DNAI4: variants seen among roughly 807,000 people sequenced by gnomAD.
The protein encoded by DNAI4 is WD repeat domain 78.
Under a neutral mutation model 105.8 loss-of-function variants are expected in DNAI4, and 85 were observed. The observed-to-expected ratio is 0.80, with a 90% CI of 0.67 to 0.96. The LOEUF is 0.96. DNAI4 is among the 40% of genes least tolerant of loss of function. The pLI is 0.00. For missense variants in DNAI4, 1,014 were observed against 1,005.6 expected, an observed-to-expected ratio of 1.01 and a Z score of -0.11; for synonymous variants, 352 against 331.5, an observed-to-expected ratio of 1.06 and a Z score of -0.67.
chr1:66,891,922 A>G (rs1647688420), intron 3 of DNAI4, among the ~76,000 whole-genome samples: 1 of 152,090 alleles, frequency 6.6e-6, no homozygotes, highest in African/African-American at 2.4e-5. Context: ...TTAGTTCCTC[A>G]ATCTTACAGA....
intron 6 of DNAI4, among the ~76,000 whole-genome samples, chr1:66,870,018 C>A (rs1163992003): frequency 3.3e-5 from 5 of 152,188 alleles, no homozygotes; most frequent in Non-Finnish European, 7.4e-5. Context: ...GGAATAAATG[C>A]TCTCACCAAT....
intron 11 of DNAI4, 64 bp from the exon 12 acceptor site, chr1:66,834,212 T>C: frequency 1.5e-6 from 2 of 1,310,660 alleles, no homozygotes; most frequent in Non-Finnish European, 2.1e-6. Flanking sequence ...GGCCTTGGAG[T>C]ATAAGTGATA....
chr1:66,889,035 C>T (rs1425205088), intron 4 of DNAI4, among the ~76,000 whole-genome samples: 1 of 152,142 alleles, frequency 6.6e-6, no homozygotes, highest in Non-Finnish European at 1.5e-5. Context: ...TGACAATAAT[C>T]CAGTTTTCCC....
intron 16 of DNAI4, among the ~76,000 whole-genome samples, chr1:66,817,468 G>T (rs1645541594): frequency 6.6e-6 from 1 of 152,136 alleles, no homozygotes; most frequent in African/African-American, 2.4e-5. Flanking sequence ...AGCTACTTGG[G>T]AGGCTGAGGT....
At chr1:66,922,593 T>C (rs988689461) in intron 1 of DNAI4, among the ~76,000 whole-genome samples, 1 of 152,204 alleles carries the variant, frequency 6.6e-6, no homozygotes, top group African/African-American at 2.4e-5. Flanking sequence ...GCAAGGAGAC[T>C]ATTTAGGTGG....
chr1:66,881,136 C>T (rs1647061001), intron 4 of DNAI4, among the ~76,000 whole-genome samples: 2 of 152,224 alleles, frequency 1.3e-5, no homozygotes, highest in Admixed American at 1.3e-4. Context: ...GGATGCCCAG[C>T]CAGAAGTTTG....
intron 13 of DNAI4, among the ~76,000 whole-genome samples, chr1:66,833,215 T>A (rs558070818): frequency 3.3e-4 from 50 of 151,998 alleles, no homozygotes; most frequent in African/African-American, 7.0e-4. Flanking sequence ...AGCACAATTT[T>A]AAAAAAAAGC....
intron 6 of DNAI4, among the ~76,000 whole-genome samples, chr1:66,864,831 ACT>A (rs745670373): frequency 1.1e-3 from 167 of 152,128 alleles, no homozygotes; most frequent in Non-Finnish European, 2.0e-3. Flanking sequence ...ACAAAGCGAG[ACT>A]CTGTCTCAAA....
intron 2 of DNAI4, among the ~76,000 whole-genome samples, chr1:66,904,623 A>T (rs1469872438): frequency 6.6e-6 from 1 of 152,146 alleles, no homozygotes; most frequent in Non-Finnish European, 1.5e-5. Flanking sequence ...CCATTGTGTC[A>T]CATTTCTTTG....
At position 66,837,767 on chromosome 1, in the gene DNAI4, A is replaced by G. The variant is rs1242455775; in HGVS notation, c.1524T>C (p.Phe508=). Residue 508 remains phenylalanine, a synonymous_variant, in exon 10 of 17, where the codon TTT becomes TTC. Transcript: ENST00000371026. ...PDLLAVGYGH[F]GFKEQKRGLA... Reference sequence around the variant, plus strand: ...GTCCTCTTTTTTGCTCTTTAAATCCAAAGTGCCCATAGCCAACAGCCAAAA... The same window carrying G: ...GTCCTCTTTTTTGCTCTTTAAATCCGAAGTGCCCATAGCCAACAGCCAAAA... The G allele has an allele frequency of 1.9e-6, 3 of 1,609,188 alleles. No individual in the cohort carries two copies. The highest frequency in any genetic ancestry group is 2.5e-6 in the Non-Finnish European group (3 of 1,178,540).
chr1:66,852,054 T>G (rs1646408491), intron 7 of DNAI4, among the ~76,000 whole-genome samples: 1 of 151,714 alleles, frequency 6.6e-6, no homozygotes, highest in Non-Finnish European at 1.5e-5. Context: ...ATTATCAAAA[T>G]CAGGAGTAAA....
chr1:66,918,352 C>A (rs1412742129), intron 1 of DNAI4, among the ~76,000 whole-genome samples: 1 of 152,056 alleles, frequency 6.6e-6, no homozygotes, highest in Admixed American at 6.6e-5. Flanking sequence ...CAGTTTGGAC[C>A]AAATTCTAAT....
rs1162404330 is a variant in DNAI4 at position 66,834,120 on chromosome 1, C to A, written c.1762G>T (p.Val588Leu). The A allele has an allele frequency of 2.5e-6, 4 of 1,606,956 alleles. No individual in the cohort carries two copies. The highest frequency in any genetic ancestry group is 1.3e-5 in the African/African-American group (1 of 74,464). ...TGTTCTATCCACTGTAGTTGCCATA[C>A]AGGTCCCAAATGTTTTTGAGGTGAT... is the stretch of plus-strand genomic sequence containing the variant. ...SESPQKHLGP[V>L]WQLQWIEQDR... is the part of the protein sequence containing the mutation. The change falls in exon 12 of 17, where the codon GTA (valine) becomes TTA (leucine). Residue 588 changes from valine to leucine, a missense_variant. By Grantham distance (32) the Val-to-Leu change is conservative. Transcript: ENST00000371026.
chr1:66,825,533 CGTACAA>C (rs1645735284), intron 15 of DNAI4, among the ~76,000 whole-genome samples: 1 of 152,140 alleles, frequency 6.6e-6, no homozygotes, highest in Non-Finnish European at 1.5e-5. Flanking sequence ...ACCTCTGGAA[CGTACAA>C]GTACATTTTG....
chr1:66,916,197 T>C (rs1412502615), intron 1 of DNAI4, among the ~76,000 whole-genome samples: 1 of 152,018 alleles, frequency 6.6e-6, no homozygotes, highest in Non-Finnish European at 1.5e-5. Context: ...AAGCATATCA[T>C]GAATAATCAG....
chr1:66,892,755 A>C (rs2100768319), intron 3 of DNAI4, among the ~76,000 whole-genome samples: 1 of 151,764 alleles, frequency 6.6e-6, no homozygotes, highest in African/African-American at 2.4e-5. Flanking sequence ...AAAATACAAA[A>C]AATTAGCCAG....
chr1:66,909,761 T>TCCA (rs1448896253), intron 1 of DNAI4, among the ~76,000 whole-genome samples: 1 of 151,766 alleles, frequency 6.6e-6, no homozygotes, highest in Non-Finnish European at 1.5e-5. Flanking sequence ...GACATTAACC[T>TCCA]CCACCACCAC....
intron 1 of DNAI4, among the ~76,000 whole-genome samples, chr1:66,916,782 T>C (rs1346155756): frequency 2.0e-5 from 3 of 152,206 alleles, no homozygotes; most frequent in African/African-American, 4.8e-5. Flanking sequence ...ATTAAAATTT[T>C]ATAGTTTATA....
Position 66,893,361 on chromosome 1 carries a change from T to A in DNAI4, c.398A>T (p.Asp133Val). ...DVTPRPLYHP[D>V]PLTGTAKPSK... ...TGGTTTTGCTGTACCAGTAAGTGGATCTGGATGGTAAAGAGGTCGGGGAGT... is the reference window on the plus strand; with the variant it reads ...TGGTTTTGCTGTACCAGTAAGTGGAACTGGATGGTAAAGAGGTCGGGGAGT... Residue 133 changes from aspartate (D) to valine (V), a missense_variant, in exon 3 of 17, where the codon GAT becomes GTT. Physicochemically the swap from Asp to Val is radical, Grantham distance 152. Transcript: ENST00000371026. The A allele has an allele frequency of 1.2e-6, 2 of 1,602,756 alleles. No individual in the cohort carries two copies. Among genetic ancestry groups the A allele is most frequent in the South Asian group, 2.2e-5 (2 of 89,314 alleles).
Sources: allele counts gnomAD v4.1 joint callset (sites outside exome capture counted in the v4.1 genomes callset), GRCh38; gene constraint gnomAD v4.1.1; transcripts MANE v1.5; gene names NCBI Gene and HGNC (gene_info 2026-07-23, HGNC 2026-07-21).